CNBD1: variants seen among roughly 807,000 people sequenced by gnomAD.
The protein encoded by CNBD1 is cyclic nucleotide binding domain containing 1.
CNBD1 carries 71 observed loss-of-function variants against 54.4 expected under a neutral mutation model. That is an observed-to-expected ratio of 1.30 (90% CI 1.08 to 1.59). CNBD1 has a LOEUF of 1.59. Ranked by LOEUF, CNBD1 falls within the 40% of genes most tolerant of loss-of-function variation. The pLI is 0.00. For synonymous variants in CNBD1, 182 were observed against 170.7 expected, an observed-to-expected ratio of 1.07 and a Z score of -0.51; for missense variants, 659 against 518.0, an observed-to-expected ratio of 1.27 and a Z score of -2.64.
intron 4 of CNBD1, among the ~76,000 whole-genome samples, chr8:87,000,397 A>G (rs1182494138): frequency 6.6e-6 from 1 of 152,154 alleles, no homozygotes; most frequent in Non-Finnish European, 1.5e-5. Flanking sequence ...TTTATAAATT[A>G]CCTAGTCTTG....
Position 87,141,235 on chromosome 8 carries a change from C to T in CNBD1, c.432-64758C>T, listed in dbSNP as rs1045949255. Among the ~76,000 whole-genome samples the T allele has an allele frequency of 5.3e-5, 8 of 151,970 alleles. No individual in the cohort carries two copies. The East Asian group carries it at 5.8e-4, about 11-fold the overall frequency. ...TTGATTATTCTCTTATAAAATCCTA[C>T]GGTGACTTATTTCAGCATTCTATAT... On this transcript the variant is annotated intron_variant, in intron 4 of 10. Transcript: ENST00000518476.
At chr8:87,387,649 T>C (rs957255442), downstream of CNBD1, among the ~76,000 whole-genome samples, 1 of 151,848 alleles carries the variant, frequency 6.6e-6, no homozygotes, top group African/African-American at 2.4e-5. Flanking sequence ...TCCCACACAA[T>C]CATAATGGGA....
chr8:87,058,579 C>T (rs1810474697), intron 4 of CNBD1, among the ~76,000 whole-genome samples: 1 of 152,196 alleles, frequency 6.6e-6, no homozygotes, highest in African/African-American at 2.4e-5. Context: ...TTGTCTTCTG[C>T]ACAACTGCAG....
At chr8:86,940,320 C>T (rs1182256799) in intron 4 of CNBD1, among the ~76,000 whole-genome samples, 3 of 151,914 alleles carry the variant, frequency 2.0e-5, no homozygotes, top group Non-Finnish European at 2.9e-5. Context: ...GCACCTGCCA[C>T]CACGCCTGGC....
intron 5 of CNBD1, among the ~76,000 whole-genome samples, chr8:87,212,098 A>G (rs1814111186): frequency 6.6e-6 from 1 of 152,192 alleles, no homozygotes; most frequent in African/African-American, 2.4e-5. Context: ...TAAAAATGAA[A>G]TTAAGAAATT....
At chr8:87,017,737 T>A (rs1353331659) in intron 4 of CNBD1, among the ~76,000 whole-genome samples, 3 of 152,114 alleles carry the variant, frequency 2.0e-5, no homozygotes, top group African/African-American at 7.2e-5. Context: ...TTAAAATATA[T>A]GTATATATAT....
At position 87,046,708 on chromosome 8, in the gene CNBD1, T is replaced by C. The variant is rs529446396; in HGVS notation, c.431+106954T>C. Reference sequence around the variant, plus strand: ...GATATAGGGATAAAAATACAAAGTATAGTCATTTATGGTGCCATTTGGGAC... The same window carrying C: ...GATATAGGGATAAAAATACAAAGTACAGTCATTTATGGTGCCATTTGGGAC... On this transcript the variant is annotated intron_variant, in intron 4 of 10. Coordinates refer to ENST00000518476, the MANE Select transcript of CNBD1 (RefSeq NM_173538.3). Among the ~76,000 whole-genome samples, 6 of 152,314 alleles carry C rather than the reference T, an allele frequency of 3.9e-5. No individual in the cohort carries two copies. The East Asian group carries it at 1.2e-3, about 29-fold the overall frequency.
At chr8:87,142,868 A>C (rs1459381608) in intron 4 of CNBD1, among the ~76,000 whole-genome samples, 1 of 146,306 alleles carries the variant, frequency 6.8e-6, no homozygotes, top group Non-Finnish European at 1.5e-5. Flanking sequence ...TGTTCGTGAG[A>C]TTTTCGTGTG....
At chr8:87,241,640 A>C (rs1041329643) in intron 6 of CNBD1, among the ~76,000 whole-genome samples, 2 of 152,216 alleles carry the variant, frequency 1.3e-5, no homozygotes, top group Non-Finnish European at 2.9e-5. Flanking sequence ...CGCAGGAAAA[A>C]TAATTATAGG....
At chr8:87,105,980 C>A (rs1028385281) in intron 4 of CNBD1, among the ~76,000 whole-genome samples, 9 of 152,128 alleles carry the variant, frequency 5.9e-5, no homozygotes, top group African/African-American at 1.9e-4. Flanking sequence ...TTTGATAACG[C>A]TGACCCTTGA....
At chr8:86,984,550 C>A (rs1808561590) in intron 4 of CNBD1, among the ~76,000 whole-genome samples, 1 of 152,198 alleles carries the variant, frequency 6.6e-6, no homozygotes, top group African/African-American at 2.4e-5. Flanking sequence ...TTATACCCTG[C>A]AAAGCCATAG....
intron 4 of CNBD1, among the ~76,000 whole-genome samples, chr8:87,132,042 GTT>G (rs1173661430): frequency 4.0e-5 from 6 of 151,868 alleles, no homozygotes; most frequent in Non-Finnish European, 8.8e-5. Context: ...CATTGCTACA[GTT>G]TCTTCTGGCC....
chr8:87,376,507 T>G (rs894555634), intron 10 of CNBD1, among the ~76,000 whole-genome samples: 16 of 151,888 alleles, frequency 1.1e-4, no homozygotes, highest in Non-Finnish European at 1.9e-4. Flanking sequence ...TTTTTAACAG[T>G]AAAAACCGGC....
intron 3 of CNBD1, among the ~76,000 whole-genome samples, chr8:86,930,042 A>G (rs900294820): frequency 2.6e-5 from 4 of 152,082 alleles, no homozygotes; most frequent in Admixed American, 6.5e-5. Flanking sequence ...GGCTGTTTCC[A>G]TCTCTGGTTC....
chr8:87,195,727 C>T (rs1813707497), intron 4 of CNBD1, among the ~76,000 whole-genome samples: 1 of 150,568 alleles, frequency 6.6e-6, no homozygotes, highest in African/African-American at 2.4e-5. Flanking sequence ...GTATGCACCA[C>T]CACACCTGCT....
chr8:87,078,835 A>G (rs942922397), intron 4 of CNBD1, among the ~76,000 whole-genome samples: 10 of 152,224 alleles, frequency 6.6e-5, no homozygotes, highest in Admixed American at 2.6e-4. Flanking sequence ...AATATGGTCT[A>G]TAGGTATATA....
intron 4 of CNBD1, among the ~76,000 whole-genome samples, chr8:87,181,804 G>C (rs1244574048): frequency 6.6e-6 from 1 of 152,024 alleles, no homozygotes; most frequent in Non-Finnish European, 1.5e-5. Context: ...TGAGGTCCTT[G>C]ATTCTTAGAA....
intron 6 of CNBD1, among the ~76,000 whole-genome samples, chr8:87,280,536 T>C (rs1808580144): frequency 6.6e-6 from 1 of 151,544 alleles, no homozygotes. Flanking sequence ...TGTGCAAAGT[T>C]TAGAGCAAGC....
chr8:86,965,970 C>T (rs1808061824), intron 4 of CNBD1, among the ~76,000 whole-genome samples: 1 of 152,258 alleles, frequency 6.6e-6, no homozygotes, highest in South Asian at 2.1e-4. Context: ...GCAGCTGGTC[C>T]TCCTGTCCTG....
Sources: gnomAD v4.1 joint callset for allele counts (sites outside exome capture counted in the v4.1 genomes callset) on GRCh38, gnomAD v4.1.1 for gene constraint, MANE v1.5 for transcripts, NCBI Gene and HGNC (gene_info 2026-07-23, HGNC 2026-07-21) for gene names.